MYT1L: variants seen among roughly 807,000 people sequenced by gnomAD.
The protein encoded by MYT1L is myelin transcription factor 1-like protein.
In MYT1L, 12 loss-of-function variants were observed where a neutral mutation model predicts 126.7. The ratio of observed to expected loss-of-function variants is 0.09; its 90% CI spans 0.06 to 0.15. The LOEUF (loss-of-function observed/expected upper bound fraction) is 0.15, where lower values mean the gene tolerates loss of function less well. MYT1L is among the 10% of genes least tolerant of loss of function. The pLI is 1.00. For missense variants in MYT1L, 979 were observed against 1,585.2 expected (o/e 0.62, Z 6.49); for synonymous variants, 541 against 604.2 (o/e 0.90, Z 1.53).
At chr2:1,818,067 C>T (rs527485845) in intron 21 of MYT1L, among the ~76,000 whole-genome samples, 172 of 127,714 alleles carry the variant, frequency 1.3e-3, no homozygotes, top group Non-Finnish European at 1.5e-3. Context: ...GGCTTCAAAC[C>T]GAGCTCCGGG....
In MYT1L at chr2:1,844,114, G is replaced by C. The variant is rs535467185; in HGVS notation, c.2775-3271C>G. Among the ~76,000 whole-genome samples the C allele has an allele frequency of 9.7e-4, 147 of 152,270 alleles. 1 individual carries two copies. Among genetic ancestry groups the C allele is most frequent in the African/African-American group, 3.4e-3 (140 of 41,552 alleles). On this transcript the variant is annotated intron_variant, in intron 19 of 24. Coordinates refer to ENST00000647738, the MANE Select transcript of MYT1L (RefSeq NM_001303052.2). ...GGTCTTTACCTGCCCCCACTCACTT[G>C]GTGGGCAGCTCGGCACCTGTGCCCC...
chr2:2,260,263 T>C (rs190442837), intron 2 of MYT1L, among the ~76,000 whole-genome samples: 124 of 152,326 alleles, frequency 8.1e-4, no homozygotes, highest in African/African-American at 2.8e-3. Flanking sequence ...GAAATGGGCA[T>C]TGGAGTAATA....
At chr2:2,116,036 C>T (rs957768892) in intron 3 of MYT1L, among the ~76,000 whole-genome samples, 6 of 151,326 alleles carry the variant, frequency 4.0e-5, no homozygotes, top group East Asian at 1.9e-4. Context: ...GGATGCACCA[C>T]GTCCAGTCGA....
At chr2:2,197,252 C>A (rs1470664608) in intron 2 of MYT1L, among the ~76,000 whole-genome samples, 1 of 152,026 alleles carries the variant, frequency 6.6e-6, no homozygotes, top group Admixed American at 6.6e-5. Context: ...TCCTTTCAGT[C>A]ATTATTTATT....
chr2:2,195,051 T>C (rs1387097511), intron 2 of MYT1L, among the ~76,000 whole-genome samples: 1 of 152,210 alleles, frequency 6.6e-6, no homozygotes, highest in Non-Finnish European at 1.5e-5. Context: ...ATTAGAAATG[T>C]AAGACTCTAC....
chr2:2,284,191 A>G (rs1192285549), intron 2 of MYT1L, among the ~76,000 whole-genome samples: 1 of 152,232 alleles, frequency 6.6e-6, no homozygotes, highest in African/African-American at 2.4e-5. Context: ...AAAAAGTCAT[A>G]GTTGATGTAT....
Position 1,979,646 on chromosome 2 carries a change from G to A in MYT1L, c.55+77C>T, listed in dbSNP as rs2149491225. On this transcript the variant is annotated intron_variant, in intron 6 of 24. Coordinates refer to ENST00000647738, the MANE Select transcript of MYT1L (RefSeq NM_001303052.2). The surrounding 1 kb of genome is among the most constrained non-coding windows in gnomAD (Gnocchi z 4.0). ...TACCAAAAGGGTGGCATGAAAGTGGGGTCAGAATCGACCTCAGTTCCGCAG... is the reference window on the plus strand; with the variant it reads ...TACCAAAAGGGTGGCATGAAAGTGGAGTCAGAATCGACCTCAGTTCCGCAG... 6.2e-7 allele frequency: 1 copy of A among 1,603,780 alleles called. No individual in the cohort carries two copies. Among genetic ancestry groups the A allele is most frequent in the Non-Finnish European group, 8.5e-7 (1 of 1,170,868 alleles).
intron 3 of MYT1L, among the ~76,000 whole-genome samples, chr2:2,066,109 A>G (rs1345478224): frequency 6.6e-6 from 1 of 152,204 alleles, no homozygotes; most frequent in East Asian, 1.9e-4. Context: ...TTTCCAAAAA[A>G]AGTGATCTAT....
intron 5 of MYT1L, among the ~76,000 whole-genome samples, chr2:1,987,106 G>A (rs1430822938): frequency 6.6e-6 from 1 of 152,102 alleles, no homozygotes; most frequent in African/African-American, 2.4e-5. Flanking sequence ...TGTTTCTTAT[G>A]ACTTCTCCAT....
chr2:1,822,228 C>T (rs777501111), intron 21 of MYT1L, among the ~76,000 whole-genome samples: 1 of 152,120 alleles, frequency 6.6e-6, no homozygotes, highest in Admixed American at 6.5e-5. Context: ...CACTTCCCTT[C>T]CTTATTTAGT....
At chr2:2,185,898 G>C (rs1205605062) in intron 2 of MYT1L, among the ~76,000 whole-genome samples, 1 of 122,726 alleles carries the variant, frequency 8.1e-6, no homozygotes, top group Non-Finnish European at 1.7e-5. Flanking sequence ...GACGCAGCCG[G>C]GCCTTCCGGG....
chr2:2,233,338 G>A (rs2094205112), intron 2 of MYT1L, among the ~76,000 whole-genome samples: 1 of 152,206 alleles, frequency 6.6e-6, no homozygotes, highest in South Asian at 2.1e-4. Flanking sequence ...CTGAGATGCG[G>A]GGGTGTGGCC....
chr2:1,835,292 CA>C (rs1463901839), intron 21 of MYT1L, among the ~76,000 whole-genome samples: 1 of 152,232 alleles, frequency 6.6e-6, no homozygotes, highest in Non-Finnish European at 1.5e-5. Context: ...AGAACACTTA[CA>C]TCAGCCTACA....
At chr2:2,037,022 C>T (rs1196828430) in intron 4 of MYT1L, among the ~76,000 whole-genome samples, 1 of 152,164 alleles carries the variant, frequency 6.6e-6, no homozygotes, top group African/African-American at 2.4e-5. Flanking sequence ...CAGCAGTGTC[C>T]GAGGGTCCTT....
intron 11 of MYT1L, among the ~76,000 whole-genome samples, chr2:1,915,731 G>A (rs2052725549): frequency 6.6e-6 from 1 of 152,170 alleles, no homozygotes; most frequent in South Asian, 2.1e-4. Context: ...AGGTCAGTCG[G>A]ATACGGATTT....
At chr2:2,322,712 A>G (rs2149706119) in intron 1 of MYT1L, among the ~76,000 whole-genome samples, 1 of 152,316 alleles carries the variant, frequency 6.6e-6, no homozygotes, top group South Asian at 2.1e-4. Context: ...GAGGTTAAAA[A>G]GTAAATGCTG....
At chr2:1,967,127 TTTCTA>T (rs1304279580) in intron 8 of MYT1L, among the ~76,000 whole-genome samples, 5 of 152,234 alleles carry the variant, frequency 3.3e-5, no homozygotes, top group Non-Finnish European at 5.9e-5. Flanking sequence ...TCTTTCATCA[TTTCTA>T]GTCCTCGCTT....
At chr2:2,280,235 C>A (rs1396265299) in intron 2 of MYT1L, among the ~76,000 whole-genome samples, 1 of 152,176 alleles carries the variant, frequency 6.6e-6, no homozygotes, top group Non-Finnish European at 1.5e-5. Flanking sequence ...CAAATTAGGT[C>A]ATTTTAATGA....
chr2:2,005,274 G>A (rs1199870080), intron 4 of MYT1L, among the ~76,000 whole-genome samples: 1 of 132,202 alleles, frequency 7.6e-6, no homozygotes, highest in Non-Finnish European at 1.7e-5. Context: ...GTTCTTTCCT[G>A]TGTGCCTTCT....
Sources: allele counts gnomAD v4.1 joint callset (sites outside exome capture counted in the v4.1 genomes callset), GRCh38; gene constraint gnomAD v4.1.1; non-coding constraint Gnocchi (gnomAD v3.1); transcripts MANE v1.5; gene names NCBI Gene and HGNC (gene_info 2026-07-23, HGNC 2026-07-21).